Variants in CUL1 observed in about 807,000 individuals in gnomAD.
CUL1 encodes the protein cullin 1.
In CUL1, 24 loss-of-function variants were observed where a neutral mutation model predicts 118.0. The observed-to-expected ratio is 0.20, with a 90% CI of 0.15 to 0.29. The LOEUF is 0.29. Ranked by LOEUF, CUL1 falls within the 10% of genes least tolerant of loss-of-function variation. The probability of loss-of-function intolerance (pLI) is 1.00; values close to 1 mark genes in which losing one functional copy is unlikely to be tolerated. For missense variants in CUL1, 361 were observed against 933.8 expected (o/e 0.39, Z 7.99); for synonymous variants, 332 against 340.4 (o/e 0.98, Z 0.27).
Position 148,799,298 on chromosome 7 carries a change from G to A in CUL1, c.2160G>A (p.Lys720=), listed in dbSNP as rs776260096. 1 of 1,614,102 alleles carries A rather than the reference G, an allele frequency of 6.2e-7. No homozygotes were observed. Among genetic ancestry groups the A allele is most frequent in the South Asian group, 1.1e-5 (1 of 91,076 alleles). ...LIQAAIVRIM[K]MRKVLKHQQL... is the part of the protein sequence containing the mutation. The stretch of plus-strand genomic sequence containing the variant: ...AGGCGGCCATCGTGAGAATCATGAA[G>A]ATGAGGAAGGTTCTGAAACACCAGC... Residue 720 remains lysine, a synonymous_variant, in exon 21 of 22, where the codon AAG becomes AAA. Transcript: ENST00000325222.
chr7:148,725,219 G>GCACGCACACACACACACACACA, intron 1 of CUL1, among the ~76,000 whole-genome samples: 4 of 140,150 alleles, frequency 2.9e-5, no homozygotes, highest in African/African-American at 1.1e-4. Context: ...ACACGCGCGC[G>GCACGCACACACACACACACACA]CTCACACACA....
At chr7:148,705,752 G>A (rs1441353244) in intron 1 of CUL1, among the ~76,000 whole-genome samples, 1 of 152,148 alleles carries the variant, frequency 6.6e-6, no homozygotes, top group Non-Finnish European at 1.5e-5. Context: ...TAGACATGAA[G>A]ACTAGGCCAT....
chr7:148,760,518 T>C (rs1302924940), intron 7 of CUL1, 22 bp downstream of exon 7: 3 of 1,535,822 alleles, frequency 2.0e-6, no homozygotes, highest in African/African-American at 1.4e-5. Context: ...TATAGTACTT[T>C]AAGTAGACTT....
chr7:148,753,926 T>C, intron 2 of CUL1, 50 bp from the exon 3 acceptor site: 1 of 1,356,162 alleles, frequency 7.4e-7, no homozygotes, highest in Non-Finnish European at 1.0e-6. Flanking sequence ...TTTATGTTAA[T>C]GACCGTTAAC....
intron 9 of CUL1, among the ~76,000 whole-genome samples, chr7:148,778,070 CAAAA>C (rs1203417069): frequency 7.3e-5 from 1 of 13,792 alleles, no homozygotes; most frequent in African/African-American, 2.3e-4. Flanking sequence ...GACCCTGTCT[CAAAA>C]AAAAAAAAAA....
intron 1 of CUL1, among the ~76,000 whole-genome samples, chr7:148,702,436 C>G (rs772553974): frequency 6.6e-6 from 1 of 151,974 alleles, no homozygotes; most frequent in African/African-American, 2.4e-5. Flanking sequence ...CCTTAGGCCC[C>G]GAAAGTATGT....
At chr7:148,753,006 C>T (rs748674725) in intron 2 of CUL1, among the ~76,000 whole-genome samples, 1 of 152,164 alleles carries the variant, frequency 6.6e-6, no homozygotes, top group Non-Finnish European at 1.5e-5. Context: ...AGCCTGAGAA[C>T]AGATAAGCGT....
intron 9 of CUL1, 68 bp downstream of exon 9, chr7:148,767,817 A>G (rs892799300): frequency 2.7e-6 from 4 of 1,471,308 alleles, no homozygotes; most frequent in Non-Finnish European, 3.7e-6. Context: ...AGCATATGTT[A>G]TGCGTCTCTA....
intron 2 of CUL1, among the ~76,000 whole-genome samples, chr7:148,744,463 T>G (rs1799246535): frequency 6.7e-6 from 1 of 149,520 alleles, no homozygotes; most frequent in Non-Finnish European, 1.5e-5. Flanking sequence ...ATAAAGAGAT[T>G]GCTCTAAGGA....
intron 9 of CUL1, chr7:148,783,330 G>A: frequency 3.0e-6 from 3 of 985,290 alleles, no homozygotes; most frequent in East Asian, 1.1e-4. Flanking sequence ...GGTGGGGGCC[G>A]CAGTCAGACT....
chr7:148,725,221 T>TCACACA (rs1164701228), intron 1 of CUL1, among the ~76,000 whole-genome samples: 11 of 145,482 alleles, frequency 7.6e-5, no homozygotes, highest in African/African-American at 2.4e-4. Flanking sequence ...ACGCGCGCGC[T>TCACACA]CACACACACA....
intron 2 of CUL1, among the ~76,000 whole-genome samples, chr7:148,738,088 T>C (rs1295934323): frequency 1.3e-5 from 2 of 152,196 alleles, no homozygotes; most frequent in African/African-American, 4.8e-5. Flanking sequence ...ATGAGAATGG[T>C]TGGAGTTTGG....
chr7:148,787,403 G>A lies in CUL1; in HGVS notation c.1479+283G>A, dbSNP rs1390366060. On this transcript the variant is annotated intron_variant, in intron 13 of 21. Transcript: ENST00000325222. This position sits in a 1 kb window ranked among gnomAD's most constrained non-coding sequence, Gnocchi z 5.5. ...CATGAACCCGGGAGGCAGAGGTTGCGGTGAGCCGAGATCACACCACTACAC... is the reference window on the plus strand; with the variant it reads ...CATGAACCCGGGAGGCAGAGGTTGCAGTGAGCCGAGATCACACCACTACAC... Among the ~76,000 whole-genome samples the A allele has an allele frequency of 4.0e-5, 6 of 151,766 alleles. No individual in the cohort carries two copies. The highest frequency in any genetic ancestry group is 4.2e-4 in the South Asian group (2 of 4,806).
upstream of CUL1, chr7:148,698,602 G>C (rs1033275527): frequency 6.6e-6 from 1 of 151,848 alleles, no homozygotes; most frequent in Non-Finnish European, 1.5e-5. Context: ...CGGGGCCGCC[G>C]GCAGCGGCGA....
intron 1 of CUL1, among the ~76,000 whole-genome samples, chr7:148,703,134 G>C (rs1345736015): frequency 6.6e-6 from 1 of 152,204 alleles, no homozygotes; most frequent in Non-Finnish European, 1.5e-5. Flanking sequence ...TTTATGTGAA[G>C]ATGGAAGAAG....
At chr7:148,788,446 T>C (rs114402769) in intron 13 of CUL1, 111 bp from the exon 14 acceptor site, 2 of 603,720 alleles carry the variant, frequency 3.3e-6, no homozygotes, top group Non-Finnish European at 6.0e-6. Context: ...GCTTTGCTAG[T>C]AGTTCCATAT....
Position 148,766,611 on chromosome 7 carries a change from T to C in CUL1, c.840T>C (p.His280=). 1 of 1,613,930 alleles carries C rather than the reference T, an allele frequency of 6.2e-7. No homozygotes were observed. The highest frequency in any genetic ancestry group is 8.5e-7 in the Non-Finnish European group (1 of 1,179,948). ...EEQRRVQVYL[H]ESTQDELARK... is the part of the protein sequence containing the mutation. ...AACGAAGAGTTCAGGTTTACCTTCA[T>C]GAAAGCACACAAGATGAATTAGCAA... Residue 280 remains histidine, a synonymous_variant, in exon 8 of 22, where the codon CAT becomes CAC. Coordinates refer to ENST00000325222, the MANE Select transcript of CUL1 (RefSeq NM_003592.3).
At chr7:148,785,101 TTC>T (rs1800771683) in intron 11 of CUL1, among the ~76,000 whole-genome samples, 4 of 152,254 alleles carry the variant, frequency 2.6e-5, no homozygotes, top group Non-Finnish European at 5.9e-5. Flanking sequence ...GTCAATAGCT[TTC>T]TCTTAACGCA....
rs780385067 is a variant in CUL1 at position 148,787,051 on chromosome 7, C to A, written c.1410C>A (p.Leu470=). Reference sequence around the variant, plus strand: ...TTCAGAAGTTCTATGCGAAGATGCTCGCCAAGAGGCTCGTCCACCAGAACA... The same window carrying A: ...TTCAGAAGTTCTATGCGAAGATGCTAGCCAAGAGGCTCGTCCACCAGAACA... The part of the protein sequence containing the change: ...DVFQKFYAKM[L]AKRLVHQNSA... The change falls in exon 13 of 22, where the codon CTC becomes CTA. Residue 470 remains leucine, a synonymous_variant. Transcript: ENST00000325222. This position sits in a 1 kb window ranked among gnomAD's most constrained non-coding sequence, Gnocchi z 5.5. 1 of 1,613,710 alleles carries A rather than the reference C, an allele frequency of 6.2e-7. No homozygotes were observed. The highest frequency in any genetic ancestry group is 1.1e-5 in the South Asian group (1 of 91,034).
Sources: allele counts gnomAD v4.1 joint callset (sites outside exome capture counted in the v4.1 genomes callset), GRCh38; gene constraint gnomAD v4.1.1; non-coding constraint Gnocchi (gnomAD v3.1); transcripts MANE v1.5; gene names NCBI Gene and HGNC (gene_info 2026-07-23, HGNC 2026-07-21).